The following DENND1B variants were observed in gnomAD, a reference collection of about 807,000 sequenced individuals.
The protein encoded by DENND1B is DENN domain containing 1B.
A neutral mutation model predicts 90.1 loss-of-function variants in DENND1B; 59 were observed. The ratio of observed to expected loss-of-function variants is 0.65; its 90% CI spans 0.53 to 0.81. DENND1B has a LOEUF of 0.81. Ranked by LOEUF, DENND1B falls within the 40% of genes least tolerant of loss-of-function variation. The pLI, the probability that DENND1B is intolerant of heterozygous loss-of-function variation, is 0.00. For synonymous variants in DENND1B, 337 were observed against 324.6 expected, an observed-to-expected ratio of 1.04 and a Z score of -0.41; for missense variants, 862 against 912.6, an observed-to-expected ratio of 0.94 and a Z score of 0.71.
At chr1:197,616,434 C>T (rs1338672331) in intron 11 of DENND1B, among the ~76,000 whole-genome samples, 3 of 150,956 alleles carry the variant, frequency 2.0e-5, no homozygotes, top group East Asian at 3.9e-4. Context: ...AAACTACATT[C>T]CTATAGTTTC....
chr1:197,628,576 G>A (rs1679015182), intron 10 of DENND1B, among the ~76,000 whole-genome samples: 1 of 152,108 alleles, frequency 6.6e-6, no homozygotes, highest in African/African-American at 2.4e-5. Flanking sequence ...AAAAACCCTA[G>A]AAGAAAACCT....
At chr1:197,714,018 C>G (rs934420912) in intron 3 of DENND1B, among the ~76,000 whole-genome samples, 11 of 67,104 alleles carry the variant, frequency 1.6e-4, no homozygotes, top group African/African-American at 6.7e-4. Flanking sequence ...GGGACGGAGT[C>G]TCACATTGGT....
intron 5 of DENND1B, among the ~76,000 whole-genome samples, chr1:197,667,687 C>T (rs1297996253): frequency 6.6e-6 from 1 of 152,198 alleles, no homozygotes; most frequent in African/African-American, 2.4e-5. Flanking sequence ...GCGTGGGCCC[C>T]TGCACCAAGC....
intron 18 of DENND1B, among the ~76,000 whole-genome samples, chr1:197,543,441 TA>T (rs1238647066): frequency 6.6e-6 from 1 of 151,876 alleles, no homozygotes; most frequent in Non-Finnish European, 1.5e-5. Context: ...TCTCTAAGCC[TA>T]AAAAAAACCC....
intron 11 of DENND1B, among the ~76,000 whole-genome samples, chr1:197,614,243 C>T (rs1456123558): frequency 1.3e-5 from 2 of 150,896 alleles, no homozygotes; most frequent in African/African-American, 4.8e-5. Context: ...TTGTTATCTC[C>T]ACATGTTCTC....
intron 2 of DENND1B, among the ~76,000 whole-genome samples, chr1:197,727,011 T>C (rs187988513): frequency 1.3e-5 from 2 of 152,324 alleles, no homozygotes; most frequent in African/African-American, 4.8e-5. Context: ...TTATTCTGTT[T>C]CTAATTAAAT....
At chr1:197,536,138 TTGAG>T (rs1408024746) in intron 20 of DENND1B, among the ~76,000 whole-genome samples, 1 of 88,972 alleles carries the variant, frequency 1.1e-5, no homozygotes, top group African/African-American at 3.4e-5. Flanking sequence ...GAGAGAGAGA[TTGAG>T]AGAGAGAGAG....
At chr1:197,662,908 TA>T (rs1447589574) in intron 5 of DENND1B, among the ~76,000 whole-genome samples, 1 of 152,090 alleles carries the variant, frequency 6.6e-6, no homozygotes, top group African/African-American at 2.4e-5. Context: ...AGTTTGTTCA[TA>T]GGGGCAAATT....
intron 15 of DENND1B, 77 bp downstream of exon 15, chr1:197,583,075 A>G: frequency 7.4e-7 from 1 of 1,344,706 alleles, no homozygotes; most frequent in East Asian, 2.3e-5. Flanking sequence ...GGGTTTGTAC[A>G]TAGTTTTATA....
At chr1:197,578,371 T>G (rs1571947578) in intron 15 of DENND1B, among the ~76,000 whole-genome samples, 1 of 151,948 alleles carries the variant, frequency 6.6e-6, no homozygotes, top group Non-Finnish European at 1.5e-5. Flanking sequence ...CAGCCTCCAG[T>G]GTAGCTGGGA....
intron 10 of DENND1B, among the ~76,000 whole-genome samples, chr1:197,629,541 G>A (rs956735590): frequency 7.7e-6 from 1 of 129,840 alleles, no homozygotes; most frequent in Non-Finnish European, 1.6e-5. Flanking sequence ...GTCGGGGGAG[G>A]GGGGAGGGGT....
At chr1:197,645,494 AG>A (rs1680648735) in intron 9 of DENND1B, among the ~76,000 whole-genome samples, 195 bp downstream of exon 9, 1 of 151,992 alleles carries the variant, frequency 6.6e-6, no homozygotes, top group Non-Finnish European at 1.5e-5. Flanking sequence ...CCAGATATTA[AG>A]AAGAAGGTAA....
At chr1:197,729,626 T>C (rs537933605) in intron 2 of DENND1B, among the ~76,000 whole-genome samples, 9 of 152,154 alleles carry the variant, frequency 5.9e-5, no homozygotes. Flanking sequence ...TAAATAGTAA[T>C]CATGTAGAAT....
At chr1:197,601,747 G>A (rs987840349) in intron 13 of DENND1B, among the ~76,000 whole-genome samples, 1 of 151,516 alleles carries the variant, frequency 6.6e-6, no homozygotes, top group African/African-American at 2.4e-5. Flanking sequence ...CATTGCTGTG[G>A]GAAAGCCAGG....
chr1:197,625,035 G>A (rs373611527), intron 10 of DENND1B, among the ~76,000 whole-genome samples: 4 of 151,980 alleles, frequency 2.6e-5, no homozygotes, highest in African/African-American at 4.8e-5. Context: ...CCAAATCTAC[G>A]TCTGATTGGT....
In DENND1B at chr1:197,506,045, C is replaced by T. The variant is rs1207080150; in HGVS notation, c.*4415G>A. ...AAATAAACAAAAACATTTCTCCTGG[C>T]AACAATATAAAGAATATATTTTTTT... On this transcript the variant is annotated 3_prime_UTR_variant, in exon 23 of 23. Coordinates refer to ENST00000620048, the MANE Select transcript of DENND1B (RefSeq NM_001195215.2). 1.3e-5 allele frequency: 2 copies of T among 151,464 alleles called. No homozygotes were observed. Among genetic ancestry groups the T allele is most frequent in the Non-Finnish European group, 3.0e-5 (2 of 67,628 alleles). The allele number at this position is 151,464 out of a possible 1,614,324, so 9.4% of individuals were successfully genotyped here. A position where few individuals can be genotyped will look rare whatever the true frequency, so the allele number is the denominator to read the frequency against.
chr1:197,539,205 T>TG (rs1363067983), intron 20 of DENND1B, among the ~76,000 whole-genome samples: 1 of 152,190 alleles, frequency 6.6e-6, no homozygotes, highest in African/African-American at 2.4e-5. Flanking sequence ...ATGAGACTTA[T>TG]GGCAAGTGTT....
At chr1:197,585,233 A>G (rs1474163817) in intron 14 of DENND1B, among the ~76,000 whole-genome samples, 1 of 152,224 alleles carries the variant, frequency 6.6e-6, no homozygotes, top group Non-Finnish European at 1.5e-5. Context: ...TAAAATAAAA[A>G]TAGCAAATGA....
chr1:197,545,795 T>G (rs955252016), intron 18 of DENND1B, 127 bp downstream of exon 18: 2 of 788,354 alleles, frequency 2.5e-6, no homozygotes, highest in Non-Finnish European at 4.0e-6. Context: ...TGGTCAATAT[T>G]AATCCTAATT....
Sources: gnomAD v4.1 joint callset for allele counts (sites outside exome capture counted in the v4.1 genomes callset) on GRCh38, gnomAD v4.1.1 for gene constraint, MANE v1.5 for transcripts, NCBI Gene and HGNC (gene_info 2026-07-23, HGNC 2026-07-21) for gene names.